The following GOLGA8A variants were observed in gnomAD, a reference collection of about 807,000 sequenced individuals.
The protein encoded by GOLGA8A is golgin A8 family member A.
GOLGA8A carries 3 observed loss-of-function variants against 22.1 expected under a neutral mutation model. That is an observed-to-expected ratio of 0.14 (90% CI 0.06 to 0.35). The LOEUF (loss-of-function observed/expected upper bound fraction) is 0.35, where lower values mean the gene tolerates loss of function less well. Among genes scored for constraint, GOLGA8A ranks in the 10% least tolerant of loss-of-function variants. The pLI is 1.00. For missense variants in GOLGA8A, 16 were observed against 233.2 expected, an observed-to-expected ratio of 0.07 and a Z score of 6.07; for synonymous variants, 7 against 91.7, an observed-to-expected ratio of 0.08 and a Z score of 5.28.
chr15:34,414,806 G>A (rs1268801591), intron 2 of GOLGA8A, among the ~76,000 whole-genome samples: 6 of 73,444 alleles, frequency 8.2e-5, no homozygotes, highest in Non-Finnish European at 1.7e-4. Context: ...CCCTACAAAC[G>A]GACCCAGAGT....
At chr15:34,434,920 C>T (rs1893430088) in intron 2 of GOLGA8A, among the ~76,000 whole-genome samples, 1 of 149,538 alleles carries the variant, frequency 6.7e-6, no homozygotes. Flanking sequence ...CCAGAGCTCT[C>T]TCCGTTTCTC....
chr15:34,431,690 T>C (rs1239557991), intron 2 of GOLGA8A, among the ~76,000 whole-genome samples: 1 of 148,764 alleles, frequency 6.7e-6, no homozygotes, highest in Non-Finnish European at 1.5e-5. Context: ...GGACCTTCCA[T>C]GAATGGAAGT....
chr15:34,431,341 A>ATCTCTCTC (rs1566914029), intron 2 of GOLGA8A, among the ~76,000 whole-genome samples: 2 of 103,090 alleles, frequency 1.9e-5, no homozygotes, highest in African/African-American at 7.2e-5. Context: ...ATATATATAT[A>ATCTCTCTC]TATATCTCAC....
intron 2 of GOLGA8A, chr15:34,418,980 C>G (rs1419968672): frequency 7.1e-6 from 1 of 141,068 alleles, no homozygotes; most frequent in Non-Finnish European, 1.5e-5. Context: ...TCTTGGCTCA[C>G]TGCAACCTCC....
chr15:34,423,916 C>A (rs535118431), intron 2 of GOLGA8A, among the ~76,000 whole-genome samples: 1 of 148,994 alleles, frequency 6.7e-6, no homozygotes, highest in South Asian at 2.2e-4. Context: ...GGGGTCCTCA[C>A]GTTTGGAGGA....
At chr15:34,400,389 C>A (rs1314225226) in intron 6 of GOLGA8A, among the ~76,000 whole-genome samples, 1 of 147,834 alleles carries the variant, frequency 6.8e-6, no homozygotes, top group Non-Finnish European at 1.5e-5. Flanking sequence ...CCATGCCTGG[C>A]TAATATTTTT....
chr15:34,398,634 C>A lies in GOLGA8A; in HGVS notation c.-382G>T, dbSNP rs1480878421. On this transcript the variant is annotated splice_region_variant and 5_prime_UTR_variant, in exon 8 of 25. Transcript: ENST00000359187. ...TTATGGAAAATTCTTAATAAAATAC[C>A]TTCTTTGCTCCAAGCTGCACTCTGG... The A allele has an allele frequency of 2.4e-5, 2 of 84,570 alleles. No individual in the cohort carries two copies. Among genetic ancestry groups the A allele is most frequent in the Admixed American group, 1.3e-4 (1 of 7,826 alleles). The allele number at this position is 84,570 out of a possible 1,614,324, so 5.2% of individuals were successfully genotyped here. A position where few individuals can be genotyped will look rare whatever the true frequency, so the allele number is the denominator to read the frequency against.
At chr15:34,400,929 G>GT (rs372533500) in intron 5 of GOLGA8A, among the ~76,000 whole-genome samples, 170 bp from the exon 6 acceptor site, 11,056 of 78,964 alleles carry the variant, frequency 0.14, 70 homozygotes, top group Admixed American at 0.23. Flanking sequence ...TTTTATGTCT[G>GT]TTTTTTTCAT....
intron 2 of GOLGA8A, chr15:34,418,009 A>G (rs1018605814): frequency 7.5e-6 from 1 of 134,102 alleles, no homozygotes; most frequent in African/African-American, 2.8e-5. Context: ...AGGCTGAGAA[A>G]CCCTGGTTTA....
At chr15:34,419,253 T>TA (rs1892699980) in intron 2 of GOLGA8A, 1 of 87,066 alleles carries the variant, frequency 1.1e-5, no homozygotes, top group Non-Finnish European at 2.2e-5. Context: ...GAATCATTGA[T>TA]AAGGTGTCCC....
intron 2 of GOLGA8A, among the ~76,000 whole-genome samples, chr15:34,431,339 A>ATCTCTCTCTCTC (rs1410030407): frequency 2.8e-4 from 24 of 85,432 alleles, no homozygotes; most frequent in African/African-American, 9.1e-4. Flanking sequence ...ATATATATAT[A>ATCTCTCTCTCTC]TATATATCTC....
At chr15:34,386,830 GGGA>G in intron 11 of GOLGA8A, 89 bp from the exon 12 acceptor site, 2 of 1,569,196 alleles carry the variant, frequency 1.3e-6, no homozygotes, top group Non-Finnish European at 1.7e-6. Context: ...TCCCCGCTGC[GGGA>G]GGAGGTTGGA....
At chr15:34,399,017 T>G in intron 7 of GOLGA8A, 138 bp downstream of exon 7, 1 of 135,254 alleles carries the variant, frequency 7.4e-6, no homozygotes, top group Non-Finnish European at 1.7e-5. Flanking sequence ...TGGGTTACCT[T>G]TTTCATTCTT....
rs1157766795 is a variant in GOLGA8A, at chr15:34,431,312, C to CAT, written c.-1123+4069_-1123+4070dup. On this transcript the variant is annotated intron_variant, in intron 2 of 24. Coordinates refer to ENST00000359187, the MANE Select transcript of GOLGA8A (RefSeq NM_181077.5). ...AAAATTATATATATATATATATATA[C>CAT]ATATATATATATATATATATATATA... 2.6e-3 allele frequency among the ~76,000 whole-genome samples: 117 copies of CAT among 45,732 alleles called. 1 individual carries two copies. Among genetic ancestry groups the CAT allele is most frequent in the African/African-American group, 6.4e-3 (107 of 16,836 alleles). 30.0% of individuals were successfully genotyped at this position (45,732 alleles called of 152,430 possible).
intron 2 of GOLGA8A, among the ~76,000 whole-genome samples, chr15:34,432,881 G>C (rs1893319534): frequency 6.7e-6 from 1 of 148,822 alleles, no homozygotes; most frequent in Non-Finnish European, 1.5e-5. Flanking sequence ...AAACTCCCAG[G>C]ACAATAAGAG....
chr15:34,422,806 A>G (rs940717368), intron 2 of GOLGA8A, among the ~76,000 whole-genome samples: 1 of 111,110 alleles, frequency 9.0e-6, no homozygotes, highest in African/African-American at 2.7e-5. Flanking sequence ...CTCTGTCCAC[A>G]GTGCTCTTCC....
rs1452837558 is a variant in GOLGA8A at position 34,381,062 on chromosome 15, C to T, written c.*349G>A. The T allele has an allele frequency of 2.1e-5, 8 of 384,294 alleles. No homozygotes were observed. The highest frequency in any genetic ancestry group is 3.5e-5 in the Non-Finnish European group (7 of 202,834). The allele number at this position is 384,294 out of a possible 1,614,324, so 23.8% of individuals were successfully genotyped here. A position where few individuals can be genotyped will look rare whatever the true frequency, so the allele number is the denominator to read the frequency against. ...ATGCTGCAATAACATTAGAAAAGCA[C>T]GGGAGCCTATTCCAAACCAGCGAGA... On this transcript the variant is annotated 3_prime_UTR_variant, in exon 25 of 25. Coordinates refer to ENST00000359187, the MANE Select transcript of GOLGA8A (RefSeq NM_181077.5).
At chr15:34,427,048 T>G (rs1159105701) in intron 2 of GOLGA8A, among the ~76,000 whole-genome samples, 1 of 147,594 alleles carries the variant, frequency 6.8e-6, no homozygotes, top group Admixed American at 7.0e-5. Context: ...TCACCAGAAG[T>G]TAGGCCGGGC....
intron 2 of GOLGA8A, among the ~76,000 whole-genome samples, chr15:34,431,419 C>G (rs1429029895): frequency 6.9e-6 from 1 of 144,456 alleles, no homozygotes; most frequent in Non-Finnish European, 1.5e-5. Context: ...CACACTCATG[C>G]GTCACTTAAC....
Sources: allele counts gnomAD v4.1 joint callset (sites outside exome capture counted in the v4.1 genomes callset), GRCh38; gene constraint gnomAD v4.1.1; transcripts MANE v1.5; gene names NCBI Gene and HGNC (gene_info 2026-07-23, HGNC 2026-07-21).